Variants in GALNT7 observed in about 807,000 individuals in gnomAD.
The protein encoded by GALNT7 is polypeptide N-acetylgalactosaminyltransferase 7.
A neutral mutation model predicts 82.1 loss-of-function variants in GALNT7; 60 were observed. The ratio of observed to expected loss-of-function variants is 0.73; its 90% confidence interval spans 0.59 to 0.91. The LOEUF (loss-of-function observed/expected upper bound fraction) is 0.91. GALNT7 is among the 40% of genes least tolerant of loss of function. The pLI is 0.00. For synonymous variants in GALNT7, 243 were observed against 275.1 expected, an observed-to-expected ratio of 0.88 and a Z score of 1.15; for missense variants, 660 against 804.2, an observed-to-expected ratio of 0.82 and a Z score of 2.17.
At chr4:173,299,858 A>G (rs529730178) in intron 6 of GALNT7, among the ~76,000 whole-genome samples, 1 of 152,236 alleles carries the variant, frequency 6.6e-6, no homozygotes, top group South Asian at 2.1e-4. Flanking sequence ...AAACAAAAAA[A>G]AAAAGACACA....
At chr4:173,250,214 ATC>A (rs1353528585) in intron 2 of GALNT7, among the ~76,000 whole-genome samples, 2 of 152,042 alleles carry the variant, frequency 1.3e-5, no homozygotes, top group Non-Finnish European at 2.9e-5. Context: ...TGAGGTATAT[ATC>A]TCTCTCTCTG....
intron 2 of GALNT7, among the ~76,000 whole-genome samples, chr4:173,258,715 C>G (rs1311466588): frequency 6.6e-6 from 1 of 152,150 alleles, no homozygotes; most frequent in East Asian, 1.9e-4. Flanking sequence ...AGAAAACTTG[C>G]AGGTCACGTA....
At chr4:173,264,918 G>A (rs1579969011) in intron 2 of GALNT7, among the ~76,000 whole-genome samples, 1 of 152,220 alleles carries the variant, frequency 6.6e-6, no homozygotes, top group African/African-American at 2.4e-5. Flanking sequence ...TGCCAGGTGC[G>A]ACAGCTCTTT....
At chr4:173,277,371 A>G (rs1343556001) in intron 2 of GALNT7, among the ~76,000 whole-genome samples, 1 of 152,202 alleles carries the variant, frequency 6.6e-6, no homozygotes, top group Admixed American at 6.5e-5. Context: ...ATGAATTCTC[A>G]TCTCTACTTC....
intron 1 of GALNT7, among the ~76,000 whole-genome samples, chr4:173,205,327 A>C (rs1211594438): frequency 6.6e-6 from 1 of 151,026 alleles, no homozygotes; most frequent in East Asian, 2.0e-4. Flanking sequence ...GAGTCTACAG[A>C]GGCTGACCAC....
chr4:173,258,751 C>T (rs1735137206), intron 2 of GALNT7, among the ~76,000 whole-genome samples: 1 of 152,218 alleles, frequency 6.6e-6, no homozygotes, highest in South Asian at 2.1e-4. Context: ...TCCTGGGACT[C>T]AAATTCTGGC....
intron 3 of GALNT7, among the ~76,000 whole-genome samples, chr4:173,293,153 A>G (rs1018857553): frequency 6.6e-6 from 1 of 152,192 alleles, no homozygotes; most frequent in East Asian, 1.9e-4. Flanking sequence ...TAATACCAGT[A>G]AAAGTTTATC....
intron 1 of GALNT7, among the ~76,000 whole-genome samples, chr4:173,229,253 G>A (rs777167036): frequency 1.1e-4 from 17 of 152,168 alleles, no homozygotes; most frequent in South Asian, 2.1e-4. Flanking sequence ...CCTAGTGGGC[G>A]TCATAGTAAG....
In GALNT7 at chr4:173,168,956, A is replaced by G. The variant is rs140012242; in HGVS notation, c.121A>G (p.Met41Val). 4,280 of 1,613,062 alleles carry G rather than the reference A, an allele frequency of 2.7e-3. 9 individuals carry two copies. The highest frequency in any genetic ancestry group is 3.4e-3 in the Non-Finnish European group (4,007 of 1,179,490). ...GGACGACCCAAGCCCGCTGAGCAGGATGAGGGTGAGTGACCCGCCCGGCCC... is the reference window on the plus strand; with the variant it reads ...GGACGACCCAAGCCCGCTGAGCAGGGTGAGGGTGAGTGACCCGCCCGGCCC... ...RPDDPSPLSR[M>V]REDRDVNDPM... The change falls in exon 1 of 12, where the codon ATG becomes GTG. Residue 41 changes from methionine (M) to valine (V), a missense_variant. By Grantham distance (21) the Met-to-Val change is conservative (BLOSUM62 1). This residue lies in a region of GALNT7 where 133 missense variants were observed against 120.7 expected (regional missense o/e 1.10). Transcript: ENST00000265000.
In GALNT7 at chr4:173,320,369, AAT is replaced by A. The variant is rs1737764957; in HGVS notation, c.1837-1207_1837-1206del. On this transcript the variant is annotated intron_variant, in intron 11 of 11. Transcript: ENST00000265000. The surrounding 1 kb of genome is among the most constrained non-coding windows in gnomAD (Gnocchi z 4.1). ...TATTAATTCATCTAAAAGTAATAAT[AAT>A]ATACTTATTAAACATTAATGTAAAT... Among the ~76,000 whole-genome samples, 2 of 152,146 alleles carry A rather than the reference AAT, an allele frequency of 1.3e-5. No homozygotes were observed. Among genetic ancestry groups the A allele is most frequent in the African/African-American group, 4.8e-5 (2 of 41,448 alleles).
At position 173,242,608 on chromosome 4, in the gene GALNT7, G is replaced by T. The variant is rs930762752; in HGVS notation, c.127-5372G>T. On this transcript the variant is annotated intron_variant, in intron 1 of 11. Coordinates refer to ENST00000265000, the MANE Select transcript of GALNT7 (RefSeq NM_017423.3). ...CAGCTCCCAATGCAGTCATCGCTCAGTGCTCTGAAAGGAGCAAGACATGGA... is the reference window on the plus strand; with the variant it reads ...CAGCTCCCAATGCAGTCATCGCTCATTGCTCTGAAAGGAGCAAGACATGGA... Among the ~76,000 whole-genome samples, 57 of 152,338 alleles carry T rather than the reference G, an allele frequency of 3.7e-4. 1 individual carries two copies. Among genetic ancestry groups the T allele is most frequent in the African/African-American group, 1.3e-3 (52 of 41,584 alleles).
In GALNT7 at chr4:173,242,929, G is replaced by C. The variant is rs576990822; in HGVS notation, c.127-5051G>C. Among the ~76,000 whole-genome samples the C allele has an allele frequency of 3.9e-5, 6 of 152,356 alleles. No homozygotes were observed. In the South Asian group the frequency reaches 1.0e-3, roughly 26 times the overall value. On this transcript the variant is annotated intron_variant, in intron 1 of 11. Coordinates refer to ENST00000265000, the MANE Select transcript of GALNT7 (RefSeq NM_017423.3). ...TCTGAAGAAAGGTGTTTTTGATCAA[G>C]AGAGTTAAAATCACAGAATGAAGTT... is the stretch of plus-strand genomic sequence containing the variant.
At chr4:173,169,616 G>A (rs949602836) in intron 1 of GALNT7, 10 of 151,574 alleles carry the variant, frequency 6.6e-5, no homozygotes, top group Non-Finnish European at 1.5e-4. Flanking sequence ...GGGGTGCGAT[G>A]CGCGGCCGAG....
chr4:173,227,444 G>A (rs1733868385), intron 1 of GALNT7, among the ~76,000 whole-genome samples: 1 of 152,162 alleles, frequency 6.6e-6, no homozygotes, highest in Admixed American at 6.5e-5. Context: ...CCATTCTCCT[G>A]CCTCAGCCTC....
chr4:173,241,271 G>A (rs1734425420), intron 1 of GALNT7, among the ~76,000 whole-genome samples: 1 of 151,414 alleles, frequency 6.6e-6, no homozygotes, highest in Non-Finnish European at 1.5e-5. Flanking sequence ...TGAGCATGTA[G>A]TATTTTTGGT....
Position 173,314,169 on chromosome 4 carries a change from G to C in GALNT7, c.1601G>C (p.Trp534Ser). The change falls in exon 9 of 12, where the codon TGG (tryptophan) becomes TCG (serine). Residue 534 changes from tryptophan to serine, a missense_variant. By Grantham distance (177) the Trp-to-Ser change is radical. Transcript: ENST00000265000. ...HYPLPPKNVD[W>S]GEIRGFETAY... ...CCTTTGCCACCCAAAAATGTTGACTGGGGAGAAGTAAGTAGTCACATCTCA... is the reference window on the plus strand; with the variant it reads ...CCTTTGCCACCCAAAAATGTTGACTCGGGAGAAGTAAGTAGTCACATCTCA... 1 of 1,594,536 alleles carries C rather than the reference G, an allele frequency of 6.3e-7. No homozygotes were observed. Among genetic ancestry groups the C allele is most frequent in the Non-Finnish European group, 8.6e-7 (1 of 1,162,218 alleles).
At chr4:173,170,614 C>T (rs1731828957) in intron 1 of GALNT7, among the ~76,000 whole-genome samples, 2 of 152,166 alleles carry the variant, frequency 1.3e-5, no homozygotes, top group Non-Finnish European at 2.9e-5. Context: ...CTTCTCAGCT[C>T]ATGGAGTGAT....
In GALNT7 at chr4:173,285,053, A is replaced by T. The variant is rs145749145; in HGVS notation, c.588-7055A>T. On this transcript the variant is annotated intron_variant, in intron 2 of 11. Transcript: ENST00000265000. ...TTGAATTTAGTCAATATGTTCACAC[A>T]CATAGTTTCCTTTGCAAGATTAATA... Among the ~76,000 whole-genome samples, 885 of 152,354 alleles carry T rather than the reference A, an allele frequency of 5.8e-3. 5 individuals are homozygous for T. Among genetic ancestry groups the T allele is most frequent in the Non-Finnish European group, 0.01 (695 of 68,036 alleles).
intron 3 of GALNT7, among the ~76,000 whole-genome samples, chr4:173,293,312 ATC>A (rs952123843): frequency 1.3e-5 from 2 of 152,062 alleles, no homozygotes; most frequent in Non-Finnish European, 2.9e-5. Flanking sequence ...TCTTTTACAA[ATC>A]TCTAATGAAG....
Sources: gnomAD v4.1 joint callset for allele counts (sites outside exome capture counted in the v4.1 genomes callset) on GRCh38, gnomAD v4.1.1 for gene constraint, gnomAD v4.1.1 regional missense constraint, Gnocchi (gnomAD v3.1) non-coding constraint, MANE v1.5 for transcripts, NCBI Gene and HGNC (gene_info 2026-07-23, HGNC 2026-07-21) for gene names.